Variants in GABRA4 observed in about 807,000 individuals in gnomAD.
GABRA4 encodes the protein gamma-aminobutyric acid type A receptor subunit alpha4.
In GABRA4, 12 loss-of-function variants were observed where a neutral mutation model predicts 49.7. The observed-to-expected ratio is 0.24, with a 90% CI of 0.15 to 0.39. GABRA4 has a LOEUF of 0.39. Ranked by LOEUF, GABRA4 falls within the 10% of genes least tolerant of loss-of-function variation. GABRA4 has a pLI of 1.00. For synonymous variants in GABRA4, 288 were observed against 240.2 expected (o/e 1.20, Z -1.84); for missense variants, 506 against 686.0 (o/e 0.74, Z 2.93).
intron 8 of GABRA4, among the ~76,000 whole-genome samples, chr4:46,952,270 G>A (rs1722198305): frequency 6.6e-6 from 1 of 151,928 alleles, no homozygotes; most frequent in Non-Finnish European, 1.5e-5. Context: ...TATTCATCGT[G>A]GCAGCAAAAG....
intron 2 of GABRA4, among the ~76,000 whole-genome samples, chr4:46,988,952 T>A (rs1560485714): frequency 6.6e-6 from 1 of 152,234 alleles, no homozygotes; most frequent in Non-Finnish European, 1.5e-5. Context: ...AATGATGATG[T>A]CTGCCTTATC....
At chr4:46,978,199 A>T in intron 3 of GABRA4, among the ~76,000 whole-genome samples, 1 of 152,068 alleles carries the variant, frequency 6.6e-6, no homozygotes, top group Non-Finnish European at 1.5e-5. Flanking sequence ...TGTATGGATG[A>T]ATTCTTCCTG....
Position 46,925,714 on chromosome 4 carries a change from ATATTATTATTAT to A in GABRA4, c.*2499_*2510del, listed in dbSNP as rs397993248. On this transcript the variant is annotated 3_prime_UTR_variant, in exon 9 of 9. Transcript: ENST00000264318. The stretch of plus-strand genomic sequence containing the variant: ...AATTCAGTTAAGGAAAGCAAACAAC[ATATTATTATTAT>A]TATTATTATTATTATTATTATTATT... 196 of 139,372 alleles carry A rather than the reference ATATTATTATTAT, an allele frequency of 1.4e-3. No homozygotes were observed. Among genetic ancestry groups the A allele is most frequent in the Middle Eastern group, 3.7e-3 (1 of 272 alleles). 8.6% of individuals were successfully genotyped at this position (139,372 alleles called of 1,614,324 possible).
rs116740572 is a variant in GABRA4 at position 46,963,956 on chromosome 4, A to C, written c.1134+1014T>G. On this transcript the variant is annotated intron_variant, in intron 8 of 8. Coordinates refer to ENST00000264318, the MANE Select transcript of GABRA4 (RefSeq NM_000809.4). ...ATCAGTATATCAGAGAGATATCTGC[A>C]CTCCTATGTTTGTTTCAGATCTGTC... 8.5e-3 allele frequency among the ~76,000 whole-genome samples: 1,294 copies of C among 151,926 alleles called. 13 individuals carry two copies. The highest frequency in any genetic ancestry group is 0.013 in the Non-Finnish European group (875 of 67,860).
In GABRA4 at chr4:46,945,304, G is replaced by C. The variant is rs1309601217; in HGVS notation, c.1135-16549C>G. On this transcript the variant is annotated intron_variant, in intron 8 of 8. Transcript: ENST00000264318. ...TGCCTGAGTGACTGCTACTGAGTTGGAAAGGGTCAACTCCTACATCAACCT... is the reference window on the plus strand; with the variant it reads ...TGCCTGAGTGACTGCTACTGAGTTGCAAAGGGTCAACTCCTACATCAACCT... 2.2e-4 allele frequency among the ~76,000 whole-genome samples: 34 copies of C among 152,098 alleles called. 1 individual carries two copies. The highest frequency in any genetic ancestry group is 2.2e-3 in the Admixed American group (33 of 15,266).
chr4:46,960,010 AG>A (rs1722516581), intron 8 of GABRA4, among the ~76,000 whole-genome samples: 1 of 151,396 alleles, frequency 6.6e-6, no homozygotes, highest in African/African-American at 2.4e-5. Flanking sequence ...TAAAACTTAA[AG>A]TTAACTACTA....
intron 2 of GABRA4, among the ~76,000 whole-genome samples, chr4:46,988,870 G>C (rs1177012074): frequency 1.3e-5 from 2 of 152,226 alleles, no homozygotes; most frequent in African/African-American, 2.4e-5. Flanking sequence ...TGTGTGTTGT[G>C]ACTTCACCAA....
At chr4:46,983,294 T>C (rs988270834) in intron 2 of GABRA4, among the ~76,000 whole-genome samples, 9 of 152,134 alleles carry the variant, frequency 5.9e-5, no homozygotes, top group African/African-American at 1.9e-4. Flanking sequence ...CATTAGTTTC[T>C]GAAGTATTTT....
chr4:46,964,962 T>C lies in GABRA4; in HGVS notation c.1134+8A>G, dbSNP rs111690669. On this transcript the variant is annotated splice_region_variant and intron_variant, in intron 8 of 8. Coordinates refer to ENST00000264318, the MANE Select transcript of GABRA4 (RefSeq NM_000809.4). Reference sequence around the variant, plus strand: ...AATCTTAAACTGAAGGTGGATTAAGTCAAATACCTGCAGAGGGGCTTCAGG... The same window carrying C: ...AATCTTAAACTGAAGGTGGATTAAGCCAAATACCTGCAGAGGGGCTTCAGG... The C allele has an allele frequency of 1.5e-5, 23 of 1,579,880 alleles. No individual in the cohort carries two copies. The African/African-American group carries it at 2.2e-4, about 15-fold the overall frequency.
At chr4:46,944,033 A>C (rs527849133) in intron 8 of GABRA4, among the ~76,000 whole-genome samples, 37 of 152,194 alleles carry the variant, frequency 2.4e-4, no homozygotes, top group Admixed American at 7.9e-4. Context: ...GTTATGTAAC[A>C]TGAGTAAATT....
At chr4:46,993,145 G>A (rs530602415) in intron 1 of GABRA4, among the ~76,000 whole-genome samples, 194 bp downstream of exon 1, 1 of 152,248 alleles carries the variant, frequency 6.6e-6, no homozygotes, top group South Asian at 2.1e-4. Flanking sequence ...GTGCCCACAC[G>A]CCTCTTGGAT....
intron 8 of GABRA4, among the ~76,000 whole-genome samples, chr4:46,947,977 A>T (rs1206707300): frequency 1.3e-5 from 2 of 152,128 alleles, no homozygotes; most frequent in East Asian, 3.9e-4. Flanking sequence ...CAGGCCTGGC[A>T]GTTGAGGCTG....
At chr4:46,992,698 A>G (rs1243743735) in intron 2 of GABRA4, 130 bp downstream of exon 2, 2 of 714,114 alleles carry the variant, frequency 2.8e-6, no homozygotes, top group East Asian at 5.2e-5. Flanking sequence ...CCAAGAGAGG[A>G]GAGATAGAAA....
intron 8 of GABRA4, among the ~76,000 whole-genome samples, chr4:46,939,760 CT>C (rs556798995): frequency 3.8e-4 from 58 of 152,008 alleles, no homozygotes; most frequent in African/African-American, 1.4e-3. Flanking sequence ...ACTGTACTAA[CT>C]TTTTTTGTAT....
intron 6 of GABRA4, among the ~76,000 whole-genome samples, chr4:46,973,719 G>T (rs1241010802): frequency 6.6e-6 from 1 of 151,606 alleles, no homozygotes; most frequent in Non-Finnish European, 1.5e-5. Flanking sequence ...GAGAGACCAA[G>T]AATCATAAAT....
At chr4:46,980,812 G>A (rs1723331786) in intron 2 of GABRA4, among the ~76,000 whole-genome samples, 1 of 152,010 alleles carries the variant, frequency 6.6e-6, no homozygotes, top group Non-Finnish European at 1.5e-5. Context: ...CACTCAAGTA[G>A]GTTCAACAGT....
chr4:46,931,497 A>T (rs988112130), intron 8 of GABRA4, among the ~76,000 whole-genome samples: 1 of 152,242 alleles, frequency 6.6e-6, no homozygotes. Flanking sequence ...TGTTCTATAT[A>T]ATAGACTGGC....
At chr4:46,977,285 G>A (rs1723170623) in intron 4 of GABRA4, 125 bp downstream of exon 4, 5 of 587,328 alleles carry the variant, frequency 8.5e-6, no homozygotes, top group Non-Finnish European at 1.5e-5. Flanking sequence ...AAGGAGGAAG[G>A]GAGGGAGGAA....
At chr4:46,943,800 T>A (rs1466394462) in intron 8 of GABRA4, among the ~76,000 whole-genome samples, 1 of 152,114 alleles carries the variant, frequency 6.6e-6, no homozygotes, top group Non-Finnish European at 1.5e-5. Flanking sequence ...ACATTATTTA[T>A]TTATTTATAT....
Sources: allele counts gnomAD v4.1 joint callset (sites outside exome capture counted in the v4.1 genomes callset), GRCh38; gene constraint gnomAD v4.1.1; transcripts MANE v1.5; gene names NCBI Gene and HGNC (gene_info 2026-07-23, HGNC 2026-07-21).